The following MGLL variants were observed in gnomAD, a reference collection of about 807,000 sequenced individuals.
MGLL encodes lysophospholipase homolog.
A neutral mutation model predicts 29.1 loss-of-function variants in MGLL; 7 were observed. The ratio of observed to expected loss-of-function variants is 0.24; its 90% CI spans 0.14 to 0.45. The LOEUF (loss-of-function observed/expected upper bound fraction) is 0.45. MGLL is among the 20% of genes least tolerant of loss of function. The probability of loss-of-function intolerance (pLI) is 0.99; values close to 1 mark genes in which losing one functional copy is unlikely to be tolerated. For synonymous variants in MGLL, 148 were observed against 168.3 expected (o/e 0.88, Z 0.93); for missense variants, 356 against 413.6 (o/e 0.86, Z 1.21).
chr3:127,770,966 C>T (rs1351509957), intron 3 of MGLL, among the ~76,000 whole-genome samples: 1 of 152,186 alleles, frequency 6.6e-6, no homozygotes, highest in Non-Finnish European at 1.5e-5. Flanking sequence ...GGCTAGGTAT[C>T]TAGGGTCACA....
chr3:127,722,127 C>A (rs376924336), intron 4 of MGLL, among the ~76,000 whole-genome samples: 36 of 152,318 alleles, frequency 2.4e-4, no homozygotes, highest in African/African-American at 8.2e-4. Context: ...CTATTCCCCC[C>A]TCCAAGAAGT....
chr3:127,747,750 C>T (rs1370373567), intron 3 of MGLL, among the ~76,000 whole-genome samples: 1 of 152,176 alleles, frequency 6.6e-6, no homozygotes, highest in Non-Finnish European at 1.5e-5. Flanking sequence ...TCCACGGTAA[C>T]ACCTATTTGA....
chr3:127,814,158 T>C (rs1254212239), intron 2 of MGLL, among the ~76,000 whole-genome samples: 3 of 152,248 alleles, frequency 2.0e-5, no homozygotes, highest in Non-Finnish European at 4.4e-5. Context: ...ACATCAAGCA[T>C]GGGAATAAAT....
chr3:127,747,004 TG>T (rs2076458992), intron 3 of MGLL, among the ~76,000 whole-genome samples: 1 of 152,194 alleles, frequency 6.6e-6, no homozygotes, highest in African/African-American at 2.4e-5. Context: ...CGATTGCTGA[TG>T]GAGCCACCTG....
chr3:127,819,756 G>T (rs960953272), intron 2 of MGLL, among the ~76,000 whole-genome samples: 17 of 152,110 alleles, frequency 1.1e-4, no homozygotes, highest in Non-Finnish European at 2.4e-4. Flanking sequence ...TCATGCAAGA[G>T]GGCAGGCAGG....
intron 3 of MGLL, among the ~76,000 whole-genome samples, chr3:127,732,496 G>A (rs889364715): frequency 3.3e-5 from 5 of 152,204 alleles, no homozygotes; most frequent in Non-Finnish European, 7.3e-5. Flanking sequence ...GAAGATTGAG[G>A]AGGGAAAGAA....
At chr3:127,772,589 C>T (rs928368290) in intron 3 of MGLL, among the ~76,000 whole-genome samples, 33 of 152,210 alleles carry the variant, frequency 2.2e-4, no homozygotes, top group African/African-American at 7.2e-4. Context: ...AAAGCCAAGA[C>T]TCCCATGAGG....
At chr3:127,778,807 A>C (rs376837525) in intron 3 of MGLL, among the ~76,000 whole-genome samples, 2 of 147,616 alleles carry the variant, frequency 1.4e-5, no homozygotes, top group African/African-American at 4.9e-5. Flanking sequence ...GGCTGGGTAC[A>C]ATGGTGTGAT....
intron 3 of MGLL, among the ~76,000 whole-genome samples, chr3:127,739,786 T>C (rs564315434): frequency 6.6e-6 from 1 of 152,354 alleles, no homozygotes; most frequent in African/African-American, 2.4e-5. Context: ...CCAGTGGTAC[T>C]GTGCTGCTTC....
At chr3:127,711,750 G>A (rs1229315231) in intron 5 of MGLL, 4 of 146,864 alleles carry the variant, frequency 2.7e-5, no homozygotes, top group African/African-American at 1.0e-4. Flanking sequence ...TTTTTTGAGA[G>A]TCTTGCTCTG....
At chr3:127,802,984 CTCTT>C (rs2077503355) in intron 2 of MGLL, among the ~76,000 whole-genome samples, 1 of 150,242 alleles carries the variant, frequency 6.7e-6, no homozygotes, top group African/African-American at 2.5e-5. Context: ...CTCTCTCTCT[CTCTT>C]TTTTTTTTTT....
chr3:127,785,235 C>G (rs922866766), intron 2 of MGLL, among the ~76,000 whole-genome samples: 1 of 152,122 alleles, frequency 6.6e-6, no homozygotes, highest in Non-Finnish European at 1.5e-5. Flanking sequence ...CCACTGTTGC[C>G]GCTCCCTCCT....
At chr3:127,733,142 C>T (rs1353408946) in intron 3 of MGLL, among the ~76,000 whole-genome samples, 1 of 152,098 alleles carries the variant, frequency 6.6e-6, no homozygotes, top group Non-Finnish European at 1.5e-5. Context: ...GTAAAGAAGC[C>T]GGCTAAAACC....
At position 127,783,143 on chromosome 3, in the gene MGLL, C is replaced by CAAAA. The variant is rs72041528; in HGVS notation, c.156-1252_156-1249dup. Among the ~76,000 whole-genome samples, 203 of 61,870 alleles carry CAAAA rather than the reference C, an allele frequency of 3.3e-3. 1 individual carries two copies. The highest frequency in any genetic ancestry group is 3.6e-3 in the Admixed American group (16 of 4,446). The allele number at this position is 61,870 out of a possible 152,430, so 40.6% of individuals were successfully genotyped here. ...TGGGTGACAGAGTGGGACTCTGTCT[C>CAAAA]AAAAAAAAAAAAAAAAAAAAAAAAA... On this transcript the variant is annotated intron_variant, in intron 2 of 7. Transcript: ENST00000265052.
chr3:127,779,481 C>T (rs1476972984), intron 3 of MGLL, among the ~76,000 whole-genome samples: 1 of 151,822 alleles, frequency 6.6e-6, no homozygotes, highest in Non-Finnish European at 1.5e-5. Flanking sequence ...ATAAAAAAGG[C>T]CAGGCTTTAG....
intron 3 of MGLL, among the ~76,000 whole-genome samples, chr3:127,723,137 T>C (rs1381362424): frequency 1.3e-5 from 2 of 152,228 alleles, no homozygotes; most frequent in Non-Finnish European, 2.9e-5. Flanking sequence ...CTAGGTCACA[T>C]TCTCTCCCTC....
intron 6 of MGLL, among the ~76,000 whole-genome samples, chr3:127,696,791 G>A (rs909988093): frequency 6.6e-6 from 1 of 152,034 alleles, no homozygotes; most frequent in Non-Finnish European, 1.5e-5. Flanking sequence ...ACGTGGTGAG[G>A]ACTGGGTGAG....
At chr3:127,779,224 G>A (rs978650368) in intron 3 of MGLL, among the ~76,000 whole-genome samples, 8 of 152,152 alleles carry the variant, frequency 5.3e-5, no homozygotes, top group African/African-American at 9.6e-5. Context: ...AAAATTAGCC[G>A]GGCATAGTGG....
chr3:127,710,470 G>T, intron 6 of MGLL, 106 bp downstream of exon 6: 1 of 1,039,854 alleles, frequency 9.6e-7, no homozygotes, highest in Non-Finnish European at 1.5e-6. Context: ...TTTGCACAGG[G>T]CCTCGGTGAA....
Sources: gnomAD v4.1 joint callset for allele counts (sites outside exome capture counted in the v4.1 genomes callset) on GRCh38, gnomAD v4.1.1 for gene constraint, MANE v1.5 for transcripts, NCBI Gene and HGNC (gene_info 2026-07-23, HGNC 2026-07-21) for gene names.